Variants in FMNL3 observed in about 807,000 individuals in gnomAD.
FMNL3 encodes the protein formin-like protein 3.
A neutral mutation model predicts 119.6 loss-of-function variants in FMNL3; 57 were observed. That is an observed-to-expected ratio of 0.48 (90% confidence interval 0.39 to 0.59). The LOEUF is 0.59. FMNL3 is among the 20% of genes least tolerant of loss of function. The pLI is 0.00. For missense variants in FMNL3, 1,053 were observed against 1,323.5 expected (o/e 0.80, Z 3.17); for synonymous variants, 491 against 507.3 (o/e 0.97, Z 0.43).
intron 21 of FMNL3, 115 bp from the exon 22 acceptor site, chr12:49,648,468 A>C: frequency 1.8e-6 from 2 of 1,116,742 alleles, no homozygotes; most frequent in Non-Finnish European, 2.5e-6. Flanking sequence ...TCAGGTTCAC[A>C]TACCTGTATG....
At position 49,643,500 on chromosome 12, in the gene FMNL3, G is replaced by C. The variant is rs1293732884; in HGVS notation, c.*2315C>G. 7 of 1,450,162 alleles carry C rather than the reference G, an allele frequency of 4.8e-6. No individual in the cohort carries two copies. The highest frequency in any genetic ancestry group is 6.5e-6 in the Non-Finnish European group (7 of 1,077,108). The allele number at this position is 1,450,162 out of a possible 1,614,324, so 89.8% of individuals were successfully genotyped here. On this transcript the variant is annotated 3_prime_UTR_variant, in exon 26 of 26. Transcript: ENST00000335154. ...CCTTTGAGGGTAGACTGGATTGGGA[G>C]GGCTGCACCTGTGGAAGTAGAAAGA...
At position 49,637,226 on chromosome 12, in the gene FMNL3, C is replaced by A. The variant is rs573954150; in HGVS notation, c.*8589G>T. The A allele has an allele frequency of 1.3e-4, 73 of 575,694 alleles. No homozygotes were observed. The highest frequency in any genetic ancestry group is 2.0e-4 in the Non-Finnish European group (66 of 323,928). The allele number at this position is 575,694 out of a possible 1,614,324, so 35.7% of individuals were successfully genotyped here. ...GGTTACTGCAGGCAGGTTTCTGTTTCTTTGCATCCCGGGACTGGCTTGTTC... is the reference window on the plus strand; with the variant it reads ...GGTTACTGCAGGCAGGTTTCTGTTTATTTGCATCCCGGGACTGGCTTGTTC... On this transcript the variant is annotated 3_prime_UTR_variant, in exon 26 of 26. Coordinates refer to ENST00000335154, the MANE Select transcript of FMNL3 (RefSeq NM_175736.5).
intron 1 of FMNL3, among the ~76,000 whole-genome samples, chr12:49,694,639 G>A (rs1480647024): frequency 2.6e-5 from 4 of 152,082 alleles, no homozygotes; most frequent in Admixed American, 6.5e-5. Context: ...GGACGAGTGC[G>A]GTGGCTCACG....
intron 6 of FMNL3, 54 bp downstream of exon 6, chr12:49,658,388 C>A: frequency 6.5e-7 from 1 of 1,532,028 alleles, no homozygotes; most frequent in Non-Finnish European, 8.8e-7. Flanking sequence ...GAACCCGAGA[C>A]CTGCACTGAA....
chr12:49,656,230 G>T (rs1943564751), intron 9 of FMNL3, among the ~76,000 whole-genome samples, 174 bp downstream of exon 9: 1 of 152,122 alleles, frequency 6.6e-6, no homozygotes, highest in Non-Finnish European at 1.5e-5. Flanking sequence ...TGAAGATCTA[G>T]TAAGACTAAA....
At chr12:49,684,794 G>A (rs1217708216) in intron 1 of FMNL3, among the ~76,000 whole-genome samples, 3 of 152,204 alleles carry the variant, frequency 2.0e-5, no homozygotes, top group African/African-American at 7.2e-5. Flanking sequence ...TGAGGGAGCA[G>A]ATTCACCAAG....
chr12:49,645,988 AG>A, intron 25 of FMNL3, 85 bp from the exon 26 acceptor site: 1 of 1,204,860 alleles, frequency 8.3e-7, no homozygotes, highest in Non-Finnish European at 1.2e-6. Flanking sequence ...AGGTAGGGCC[AG>A]GGAGGAGCCA....
chr12:49,660,522 G>A (rs1488713447), intron 5 of FMNL3, among the ~76,000 whole-genome samples: 12 of 152,138 alleles, frequency 7.9e-5, no homozygotes. Flanking sequence ...GAATGCAGTG[G>A]GCCACTCTTG....
chr12:49,645,332 GC>G lies in FMNL3; in HGVS notation c.*482del, dbSNP rs1565860947. The G allele has an allele frequency of 6.5e-6, 1 of 154,034 alleles. No homozygotes were observed. The highest frequency in any genetic ancestry group is 1.4e-5 in the Non-Finnish European group (1 of 69,270). 9.5% of individuals were successfully genotyped at this position (154,034 alleles called of 1,614,324 possible). A position where few individuals can be genotyped will look rare whatever the true frequency, so the allele number is the denominator to read the frequency against. ...TTATCACTAGGGCACAGCTGGCACG[GC>G]CCATGCTTCAGAGGGCCTTGCTCCT... On this transcript the variant is annotated 3_prime_UTR_variant, in exon 26 of 26. Coordinates refer to ENST00000335154, the MANE Select transcript of FMNL3 (RefSeq NM_175736.5).
intron 2 of FMNL3, among the ~76,000 whole-genome samples, chr12:49,667,211 G>A (rs1943915876): frequency 1.3e-5 from 2 of 151,962 alleles, no homozygotes; most frequent in Non-Finnish European, 2.9e-5. Context: ...GGGTGGAGGG[G>A]CTGAAAAATG....
In FMNL3 at chr12:49,679,879, C is replaced by T. The variant is rs113913416; in HGVS notation, c.127-11325G>A. 5.9e-3 allele frequency among the ~76,000 whole-genome samples: 895 copies of T among 152,236 alleles called. 9 individuals are homozygous for T. The highest frequency in any genetic ancestry group is 0.02 in the Middle Eastern group (6 of 294). On this transcript the variant is annotated intron_variant, in intron 1 of 25. Coordinates refer to ENST00000335154, the MANE Select transcript of FMNL3 (RefSeq NM_175736.5). The stretch of plus-strand genomic sequence containing the variant: ...CAACTGGGGGACCTGTTTTGCCTTG[C>T]GATAACTCTTGTATTTACAAACAAG...
chr12:49,691,646 G>A (rs1185898638), intron 1 of FMNL3, among the ~76,000 whole-genome samples: 1 of 152,206 alleles, frequency 6.6e-6, no homozygotes, highest in African/African-American at 2.4e-5. Context: ...GCAGTGGCCA[G>A]TTGCTGACCC....
chr12:49,686,189 C>T (rs115846373), intron 1 of FMNL3, among the ~76,000 whole-genome samples: 4,586 of 151,872 alleles, frequency 0.03, 102 homozygotes, highest in Middle Eastern at 0.075. Context: ...CGTACTGCAG[C>T]CTCAATCTCC....
chr12:49,667,447 T>C (rs1340571731), intron 2 of FMNL3, among the ~76,000 whole-genome samples: 1 of 152,180 alleles, frequency 6.6e-6, no homozygotes, highest in African/African-American at 2.4e-5. Flanking sequence ...AGAAGGGACT[T>C]GGACTAAGAT....
Position 49,637,094 on chromosome 12 carries a change from A to T in FMNL3, c.*8721T>A. ...AAACTGCCAGTAGAGAGCACCCTAC[A>T]GGCATGACTTGGCAGCTAGGCCATG... On this transcript the variant is annotated 3_prime_UTR_variant, in exon 26 of 26. Transcript: ENST00000335154. The T allele has an allele frequency of 1.6e-6, 1 of 615,098 alleles. No individual in the cohort carries two copies. The highest frequency in any genetic ancestry group is 2.8e-6 in the Non-Finnish European group (1 of 356,694). 38.1% of individuals were successfully genotyped at this position (615,098 alleles called of 1,614,324 possible).
intron 1 of FMNL3, among the ~76,000 whole-genome samples, chr12:49,683,190 A>G (rs1240593726): frequency 1.3e-5 from 2 of 152,124 alleles, no homozygotes; most frequent in Non-Finnish European, 2.9e-5. Flanking sequence ...GACTGGAGAA[A>G]AGCTCACATT....
chr12:49,660,071 G>A (rs1019532521), intron 5 of FMNL3: 1 of 476,296 alleles, frequency 2.1e-6, no homozygotes, highest in Non-Finnish European at 2.7e-6. Flanking sequence ...GTAGACATCA[G>A]AGGAACCTCC....
chr12:49,651,132 C>T, intron 16 of FMNL3, 36 bp downstream of exon 16: 1 of 1,602,060 alleles, frequency 6.2e-7, no homozygotes, highest in Non-Finnish European at 8.5e-7. Context: ...GTCCCTAGCC[C>T]TCAACCTTAG....
At chr12:49,692,609 T>C (rs1320415759) in intron 1 of FMNL3, among the ~76,000 whole-genome samples, 11 of 152,182 alleles carry the variant, frequency 7.2e-5, no homozygotes, top group Non-Finnish European at 1.5e-4. Context: ...AGTCTTCTAA[T>C]TGCCTTTTTA....
Sources: gnomAD v4.1 joint callset for allele counts (sites outside exome capture counted in the v4.1 genomes callset) on GRCh38, gnomAD v4.1.1 for gene constraint, MANE v1.5 for transcripts, NCBI Gene and HGNC (gene_info 2026-07-23, HGNC 2026-07-21) for gene names.